TMEM232: variants seen among roughly 807,000 people sequenced by gnomAD.
TMEM232 encodes the protein transmembrane protein 232.
TMEM232 carries 80 observed loss-of-function variants against 78.8 expected under a neutral mutation model. That is an observed-to-expected ratio of 1.01 (90% CI 0.85 to 1.22). The LOEUF is 1.22. Among genes scored for constraint, TMEM232 ranks in the 50% most tolerant of loss-of-function variants. The pLI is 0.00. For missense variants in TMEM232, 881 were observed against 742.2 expected, an observed-to-expected ratio of 1.19 and a Z score of -2.17; for synonymous variants, 297 against 254.3, an observed-to-expected ratio of 1.17 and a Z score of -1.60.
At chr5:110,420,879 C>CA in intron 13 of TMEM232, 123 bp from the exon 14 acceptor site, 1 of 1,322,734 alleles carries the variant, frequency 7.6e-7, no homozygotes, top group Non-Finnish European at 9.8e-7. Flanking sequence ...TGACATTCCT[C>CA]AAAAATTTTA....
chr5:110,546,850 G>T (rs951764542), intron 11 of TMEM232, among the ~76,000 whole-genome samples: 1 of 151,886 alleles, frequency 6.6e-6, no homozygotes, highest in African/African-American at 2.4e-5. Flanking sequence ...TTGGTTTAAG[G>T]GATTTCGGGA....
intron 10 of TMEM232, among the ~76,000 whole-genome samples, chr5:110,574,529 T>C (rs1777347631): frequency 1.3e-5 from 2 of 152,070 alleles, no homozygotes; most frequent in African/African-American, 4.8e-5. Flanking sequence ...TAAGATTTGA[T>C]TCATGGTGGG....
intron 12 of TMEM232, among the ~76,000 whole-genome samples, chr5:110,510,151 T>A (rs1283889748): frequency 2.0e-5 from 3 of 152,186 alleles, no homozygotes; most frequent in Non-Finnish European, 4.4e-5. Context: ...ATCGTCACAT[T>A]TATTCAAATG....
intron 5 of TMEM232, among the ~76,000 whole-genome samples, chr5:110,631,461 C>T (rs1785121449): frequency 6.6e-6 from 1 of 152,140 alleles, no homozygotes; most frequent in South Asian, 2.1e-4. Flanking sequence ...GGCAGTGACC[C>T]CACTTCCACT....
At chr5:110,662,414 T>G (rs1789927671) in intron 2 of TMEM232, among the ~76,000 whole-genome samples, 1 of 152,156 alleles carries the variant, frequency 6.6e-6, no homozygotes, top group Admixed American at 6.6e-5. Context: ...AATATGGTTA[T>G]GATAAAGATG....
intron 10 of TMEM232, among the ~76,000 whole-genome samples, chr5:110,604,734 G>T (rs1781337459): frequency 6.6e-6 from 1 of 152,162 alleles, no homozygotes; most frequent in Non-Finnish European, 1.5e-5. Flanking sequence ...AAACGTGGTG[G>T]ATCACTTGAG....
chr5:110,636,546 A>C (rs1785862543), intron 5 of TMEM232, among the ~76,000 whole-genome samples: 1 of 152,026 alleles, frequency 6.6e-6, no homozygotes, highest in African/African-American at 2.4e-5. Context: ...TGTTATTTAT[A>C]TATCAATAGA....
At chr5:110,592,718 T>A (rs138289632) in intron 10 of TMEM232, among the ~76,000 whole-genome samples, 8 of 152,142 alleles carry the variant, frequency 5.3e-5, no homozygotes, top group African/African-American at 1.4e-4. Flanking sequence ...TCTAAACCAC[T>A]TGTGAATGTA....
chr5:110,419,099 A>G (rs1756409272), downstream of TMEM232, among the ~76,000 whole-genome samples: 1 of 152,046 alleles, frequency 6.6e-6, no homozygotes, highest in African/African-American at 2.4e-5. Context: ...GAGATAGTGA[A>G]TAGTTGATGG....
intron 3 of TMEM232, among the ~76,000 whole-genome samples, chr5:110,394,404 C>T (rs1755313185): frequency 6.6e-6 from 1 of 152,170 alleles, no homozygotes; most frequent in Admixed American, 6.5e-5. Context: ...AATAGTGCTG[C>T]AGTAAACATG....
At chr5:110,461,701 A>G (rs1287321639) in intron 12 of TMEM232, among the ~76,000 whole-genome samples, 2 of 152,234 alleles carry the variant, frequency 1.3e-5, no homozygotes, top group African/African-American at 4.8e-5. Flanking sequence ...GGGATAATGC[A>G]GCCAATGAAT....
chr5:110,455,380 C>CT (rs567534953), intron 12 of TMEM232, among the ~76,000 whole-genome samples: 6,482 of 142,834 alleles, frequency 0.045, 379 homozygotes, highest in African/African-American at 0.14. Flanking sequence ...TAGATATAAA[C>CT]TTTTTTTTTT....
intron 2 of TMEM232, among the ~76,000 whole-genome samples, chr5:110,400,756 G>C (rs1265896493): frequency 6.6e-6 from 1 of 152,006 alleles, no homozygotes; most frequent in Non-Finnish European, 1.5e-5. Context: ...AGAATAAACA[G>C]CTTCTACTTA....
At chr5:110,721,673 G>GTA (rs10522202) in intron 1 of TMEM232, among the ~76,000 whole-genome samples, 911 of 35,514 alleles carry the variant, frequency 0.026, 253 homozygotes, top group South Asian at 0.061. Flanking sequence ...GTGTGTGTGT[G>GTA]TATATATATA....
intron 9 of TMEM232, among the ~76,000 whole-genome samples, chr5:110,605,567 A>G (rs1481002256): frequency 2.0e-5 from 3 of 152,164 alleles, no homozygotes; most frequent in Admixed American, 1.3e-4. Flanking sequence ...ATATAGAACA[A>G]CTTTGCAATT....
At chr5:110,555,758 CT>C (rs1775001761) in intron 11 of TMEM232, among the ~76,000 whole-genome samples, 1 of 152,230 alleles carries the variant, frequency 6.6e-6, no homozygotes, top group East Asian at 1.9e-4. Flanking sequence ...TAATGCCCTT[CT>C]TTTCCTTTTT....
At chr5:110,547,325 G>A (rs147261666) in intron 11 of TMEM232, among the ~76,000 whole-genome samples, 1 of 152,182 alleles carries the variant, frequency 6.6e-6, no homozygotes, top group African/African-American at 2.4e-5. Flanking sequence ...AATTTTAGCT[G>A]TGAAACTCAG....
At chr5:110,692,469 A>G (rs760337784) in intron 1 of TMEM232, among the ~76,000 whole-genome samples, 3 of 152,194 alleles carry the variant, frequency 2.0e-5, no homozygotes, top group Non-Finnish European at 4.4e-5. Flanking sequence ...GAGTGGGTGC[A>G]GCACACCGTG....
chr5:110,678,247 T>G (rs557093672), intron 1 of TMEM232, among the ~76,000 whole-genome samples: 19 of 152,058 alleles, frequency 1.2e-4, no homozygotes, highest in Non-Finnish European at 2.8e-4. Context: ...GTATTTTTAG[T>G]AGAGACGGGG....
Sources: gnomAD v4.1 joint callset for allele counts (sites outside exome capture counted in the v4.1 genomes callset) on GRCh38, gnomAD v4.1.1 for gene constraint, MANE v1.5 for transcripts, NCBI Gene and HGNC (gene_info 2026-07-23, HGNC 2026-07-21) for gene names.